Variants in ADGRL2 observed in about 807,000 individuals in gnomAD.
ADGRL2 encodes the protein calcium-independent alpha-latrotoxin receptor 2.
Under a neutral mutation model 157.4 loss-of-function variants are expected in ADGRL2, and 44 were observed. The observed-to-expected ratio is 0.28, with a 90% confidence interval of 0.22 to 0.36. The LOEUF is 0.36. ADGRL2 is among the 10% of genes least tolerant of loss of function. ADGRL2 has a pLI of 1.00. For synonymous variants in ADGRL2, 585 were observed against 624.7 expected, an observed-to-expected ratio of 0.94 and a Z score of 0.95; for missense variants, 1,510 against 1,768.9, an observed-to-expected ratio of 0.85 and a Z score of 2.63.
intron 2 of ADGRL2, among the ~76,000 whole-genome samples, chr1:81,766,125 T>C (rs1166345447): frequency 6.6e-6 from 1 of 152,156 alleles, no homozygotes; most frequent in African/African-American, 2.4e-5. Context: ...AAAAAACAAT[T>C]GATGAGCTTT....
intron 1 of ADGRL2, among the ~76,000 whole-genome samples, chr1:81,423,449 G>A (rs571299259): frequency 5.9e-5 from 9 of 152,194 alleles, no homozygotes; most frequent in East Asian, 3.9e-4. Context: ...CACACATCGC[G>A]ACGGCCCAGA....
intron 1 of ADGRL2, among the ~76,000 whole-genome samples, chr1:81,362,799 C>A (rs1309487503): frequency 6.6e-6 from 1 of 151,946 alleles, no homozygotes; most frequent in Non-Finnish European, 1.5e-5. Context: ...TTATTAAAAT[C>A]TCTTCTCAAA....
At position 81,723,100 on chromosome 1, in the gene ADGRL2, G is replaced by A. The variant is rs1181781938; in HGVS notation, c.-143+23292G>A. On this transcript the variant is annotated intron_variant, in intron 1 of 20. Transcript: ENST00000359929. Reference sequence around the variant, plus strand: ...CCTTCTGATAAATAAAGCCCTTGCTGAAGGAAAAGCAACCTAGATTACCTT... The same window carrying A: ...CCTTCTGATAAATAAAGCCCTTGCTAAAGGAAAAGCAACCTAGATTACCTT... 4.3e-6 allele frequency: 3 copies of A among 691,850 alleles called. No homozygotes were observed. In the East Asian group the frequency reaches 7.6e-5, roughly 18 times the overall value. 42.9% of individuals were successfully genotyped at this position (691,850 alleles called of 1,614,324 possible).
chr1:81,803,947 T>C (rs2088720953), intron 1 of ADGRL2, among the ~76,000 whole-genome samples: 1 of 152,188 alleles, frequency 6.6e-6, no homozygotes, highest in African/African-American at 2.4e-5. Flanking sequence ...TCACATCCTT[T>C]GGTAAATAAT....
chr1:81,875,215 A>G (rs1384276342), intron 2 of ADGRL2, among the ~76,000 whole-genome samples: 1 of 152,170 alleles, frequency 6.6e-6, no homozygotes, highest in Non-Finnish European at 1.5e-5. Flanking sequence ...CTGTCAGAAC[A>G]AAGGCAAATC....
At chr1:81,445,858 C>T (rs2101705487) in intron 2 of ADGRL2, among the ~76,000 whole-genome samples, 1 of 152,258 alleles carries the variant, frequency 6.6e-6, no homozygotes, top group East Asian at 1.9e-4. Context: ...ATAGCATAAA[C>T]AAATTAGTAG....
intron 1 of ADGRL2, among the ~76,000 whole-genome samples, chr1:81,834,385 T>C (rs937424636): frequency 6.6e-5 from 10 of 152,176 alleles, no homozygotes; most frequent in African/African-American, 2.2e-4. Flanking sequence ...TTACAGAATT[T>C]GAAGGACAAA....
chr1:81,652,417 T>C (rs986009922), intron 3 of ADGRL2, among the ~76,000 whole-genome samples: 29 of 152,186 alleles, frequency 1.9e-4, no homozygotes, highest in Non-Finnish European at 3.7e-4. Context: ...TAATGATATA[T>C]TTAATTATAT....
At chr1:81,657,037 A>G (rs1372080387) in intron 3 of ADGRL2, among the ~76,000 whole-genome samples, 3 of 151,920 alleles carry the variant, frequency 2.0e-5, no homozygotes, top group African/African-American at 7.3e-5. Context: ...AAATTCAGAA[A>G]GCCATGCAAC....
intron 2 of ADGRL2, among the ~76,000 whole-genome samples, chr1:81,576,806 A>G (rs2080806750): frequency 6.6e-6 from 1 of 152,146 alleles, no homozygotes; most frequent in Non-Finnish European, 1.5e-5. Context: ...ATGAATTATC[A>G]TACTTGTTGC....
chr1:81,820,788 A>G (rs2090913487), intron 1 of ADGRL2, among the ~76,000 whole-genome samples: 1 of 151,980 alleles, frequency 6.6e-6, no homozygotes, highest in Non-Finnish European at 1.5e-5. Flanking sequence ...TTCACTGGGC[A>G]ATTATGTAAA....
chr1:81,499,006 A>G (rs1368560641), intron 2 of ADGRL2, among the ~76,000 whole-genome samples: 5 of 152,198 alleles, frequency 3.3e-5, no homozygotes, highest in Non-Finnish European at 7.3e-5. Flanking sequence ...TTTTTAAACC[A>G]CTAGATGCTC....
chr1:81,576,628 C>T (rs537690660), intron 2 of ADGRL2, among the ~76,000 whole-genome samples: 43 of 152,144 alleles, frequency 2.8e-4, no homozygotes, highest in African/African-American at 8.4e-4. Flanking sequence ...ATGTTTAGTT[C>T]GGCGCACCCA....
At chr1:81,396,475 T>C (rs1316775795) in intron 1 of ADGRL2, among the ~76,000 whole-genome samples, 1 of 152,214 alleles carries the variant, frequency 6.6e-6, no homozygotes, top group African/African-American at 2.4e-5. Flanking sequence ...TTTTCCTCTT[T>C]GGTTGCTCTT....
chr1:81,349,977 TC>T (rs781552778), intron 1 of ADGRL2, among the ~76,000 whole-genome samples: 1 of 152,244 alleles, frequency 6.6e-6, no homozygotes, highest in Admixed American at 6.5e-5. Context: ...TCATTTTTTT[TC>T]CCCTGTGCAC....
intron 3 of ADGRL2, among the ~76,000 whole-genome samples, chr1:81,663,018 A>G (rs2082685411): frequency 6.6e-6 from 1 of 151,918 alleles, no homozygotes; most frequent in Admixed American, 6.6e-5. Context: ...CCTTAGAATC[A>G]AGGTACTTAA....
At chr1:81,390,256 C>T (rs2076512186) in intron 1 of ADGRL2, among the ~76,000 whole-genome samples, 1 of 152,298 alleles carries the variant, frequency 6.6e-6, no homozygotes, top group South Asian at 2.1e-4. Flanking sequence ...ACGTTTGAAA[C>T]CCACTGATTG....
chr1:81,494,535 C>T (rs2078694431), intron 2 of ADGRL2, among the ~76,000 whole-genome samples: 1 of 152,092 alleles, frequency 6.6e-6, no homozygotes, highest in Non-Finnish European at 1.5e-5. Context: ...CATTTCATGT[C>T]ACCACTGAGA....
chr1:81,448,346 A>C (rs2077640598), intron 2 of ADGRL2, among the ~76,000 whole-genome samples: 1 of 151,344 alleles, frequency 6.6e-6, no homozygotes, highest in Non-Finnish European at 1.5e-5. Flanking sequence ...GGGTTTCACC[A>C]TTTTGGCCAG....
Sources: allele counts gnomAD v4.1 joint callset (sites outside exome capture counted in the v4.1 genomes callset), GRCh38; gene constraint gnomAD v4.1.1; transcripts MANE v1.5; gene names NCBI Gene and HGNC (gene_info 2026-07-23, HGNC 2026-07-21).